CEP20: variants seen among roughly 807,000 people sequenced by gnomAD.
CEP20 encodes FGFR1OP N-terminal like.
A neutral mutation model predicts 20.0 loss-of-function variants in CEP20; 18 were observed. The ratio of observed to expected loss-of-function variants is 0.90; its 90% CI spans 0.62 to 1.34. The LOEUF (loss-of-function observed/expected upper bound fraction) is 1.34, where lower values mean the gene tolerates loss of function less well. Among genes scored for constraint, CEP20 ranks in the 40% most tolerant of loss-of-function variants. The probability of loss-of-function intolerance (pLI) is 0.00; values close to 1 mark genes in which losing one functional copy is unlikely to be tolerated. For missense variants in CEP20, 215 were observed against 201.6 expected, an observed-to-expected ratio of 1.07 and a Z score of -0.40; for synonymous variants, 77 against 73.7, an observed-to-expected ratio of 1.04 and a Z score of -0.23.
In CEP20 at chr16:15,866,256, G is replaced by A. The variant is rs2044676554; in HGVS notation, c.*1184C>T. ...AGAAAATCAAAAGTTTCAACAATTT[G>A]CAAAGCAGCACAGAATTGACACCCT... On this transcript the variant is annotated 3_prime_UTR_variant, in exon 5 of 5. Transcript: ENST00000255759. The A allele has an allele frequency of 6.6e-6, 1 of 152,178 alleles. No homozygotes were observed. Among genetic ancestry groups the A allele is most frequent in the Admixed American group, 6.5e-5 (1 of 15,270 alleles). The allele number at this position is 152,178 out of a possible 1,614,324, so 9.4% of individuals were successfully genotyped here. A position where few individuals can be genotyped will look rare whatever the true frequency, so the allele number is the denominator to read the frequency against.
chr16:15,872,182 T>C (rs2044837426), intron 4 of CEP20, among the ~76,000 whole-genome samples: 1 of 151,878 alleles, frequency 6.6e-6, no homozygotes, highest in Non-Finnish European at 1.5e-5. Flanking sequence ...AGTGTGGTGA[T>C]GGGCGCCTGT....
rs375553573 is a variant in CEP20 at position 15,865,824 on chromosome 16, G to A, written c.*1616C>T. On this transcript the variant is annotated 3_prime_UTR_variant, in exon 5 of 5. Coordinates refer to ENST00000255759, the MANE Select transcript of CEP20 (RefSeq NM_144600.4). ...CATATAAAAGCGCTATGGACTACAC[G>A]TGACAATTCTGCTTAACTTCCATCT... 5.9e-5 allele frequency: 9 copies of A among 152,130 alleles called. No homozygotes were observed. Among genetic ancestry groups the A allele is most frequent in the Non-Finnish European group, 4.4e-5 (3 of 68,032 alleles). The allele number at this position is 152,130 out of a possible 1,614,324, so 9.4% of individuals were successfully genotyped here. A position where few individuals can be genotyped will look rare whatever the true frequency, so the allele number is the denominator to read the frequency against.
intron 2 of CEP20, among the ~76,000 whole-genome samples, chr16:15,882,149 T>C (rs756174582): frequency 1.1e-4 from 16 of 152,148 alleles, no homozygotes; most frequent in African/African-American, 1.4e-4. Context: ...CCATGTAACG[T>C]GCTTGCTGCA....
chr16:15,875,261 T>C (rs776160364), intron 3 of CEP20, among the ~76,000 whole-genome samples: 1 of 152,192 alleles, frequency 6.6e-6, no homozygotes, highest in Non-Finnish European at 1.5e-5. Context: ...ACAGGTCTCT[T>C]TGTTTACTTT....
At chr16:15,883,888 G>C (rs2045172896) in intron 2 of CEP20, 120 bp downstream of exon 2, 3 of 737,614 alleles carry the variant, frequency 4.1e-6, no homozygotes, top group Non-Finnish European at 6.5e-6. Context: ...TGTGATTTTT[G>C]TGTCCCAGTC....
At chr16:15,870,048 G>A (rs755845596) in intron 4 of CEP20, among the ~76,000 whole-genome samples, 6 of 152,088 alleles carry the variant, frequency 3.9e-5, no homozygotes, top group Non-Finnish European at 5.9e-5. Flanking sequence ...TGTACAGGTC[G>A]TGTGTCTAGG....
At chr16:15,884,342 AATT>A in intron 1 of CEP20, 137 bp from the exon 2 acceptor site, 2 of 710,860 alleles carry the variant, frequency 2.8e-6, no homozygotes, top group Non-Finnish European at 4.5e-6. Flanking sequence ...CATTGTGACA[AATT>A]ATTAAACAAT....
intron 1 of CEP20, chr16:15,885,020 T>C (rs2045205977): frequency 6.6e-6 from 1 of 151,920 alleles, no homozygotes; most frequent in South Asian, 2.1e-4. Flanking sequence ...TGTAAAAACC[T>C]TGATGGCAGG....
chr16:15,879,718 T>C, intron 3 of CEP20, 86 bp downstream of exon 3: 2 of 761,518 alleles, frequency 2.6e-6, no homozygotes, highest in Non-Finnish European at 4.3e-6. Context: ...TCTGAATAAA[T>C]ACTTGAATTA....
intron 2 of CEP20, among the ~76,000 whole-genome samples, chr16:15,880,388 T>A (rs556051704): frequency 6.6e-6 from 1 of 152,240 alleles, no homozygotes; most frequent in South Asian, 2.1e-4. Context: ...GCAATCTCAC[T>A]CTTAGCTTTC....
At chr16:15,882,356 G>A (rs1454296014) in intron 2 of CEP20, among the ~76,000 whole-genome samples, 1 of 150,414 alleles carries the variant, frequency 6.6e-6, no homozygotes, top group African/African-American at 2.5e-5. Flanking sequence ...CCTGGCTAAC[G>A]GTGAAACCCT....
intron 4 of CEP20, among the ~76,000 whole-genome samples, chr16:15,871,710 G>C (rs1436188875): frequency 6.6e-6 from 1 of 152,164 alleles, no homozygotes; most frequent in African/African-American, 2.4e-5. Flanking sequence ...GAAATAAGTA[G>C]ATGGGAATGA....
At chr16:15,878,059 A>G (rs1038231943) in intron 3 of CEP20, among the ~76,000 whole-genome samples, 1 of 152,050 alleles carries the variant, frequency 6.6e-6, no homozygotes, top group African/African-American at 2.4e-5. Flanking sequence ...ATCTCACAAA[A>G]AGGAAAAAAG....
At chr16:15,872,849 T>C (rs993870835) in intron 4 of CEP20, among the ~76,000 whole-genome samples, 10 of 152,106 alleles carry the variant, frequency 6.6e-5, no homozygotes, top group African/African-American at 1.9e-4. Flanking sequence ...ATGTGGGCGA[T>C]TCTCCTAACA....
At chr16:15,876,472 C>G (rs1049545467) in intron 3 of CEP20, among the ~76,000 whole-genome samples, 4 of 147,978 alleles carry the variant, frequency 2.7e-5, no homozygotes, top group Non-Finnish European at 5.9e-5. Flanking sequence ...GAGACTCTGT[C>G]TCGAAAAAAA....
At chr16:15,877,651 C>T (rs2044987522) in intron 3 of CEP20, among the ~76,000 whole-genome samples, 1 of 152,078 alleles carries the variant, frequency 6.6e-6, no homozygotes, top group South Asian at 2.1e-4. Flanking sequence ...CCAGCGTATG[C>T]CTGTAATTCC....
intron 3 of CEP20, 130 bp downstream of exon 3, chr16:15,879,674 C>A (rs1017385818): frequency 4.9e-6 from 3 of 612,224 alleles, no homozygotes; most frequent in African/African-American, 3.9e-5. Flanking sequence ...TGCTGCACAC[C>A]CTGGATTTAG....
At chr16:15,871,718 T>G (rs1196403452) in intron 4 of CEP20, among the ~76,000 whole-genome samples, 1 of 152,200 alleles carries the variant, frequency 6.6e-6, no homozygotes, top group Non-Finnish European at 1.5e-5. Context: ...TAGATGGGAA[T>G]GACTTATTTT....
intron 3 of CEP20, among the ~76,000 whole-genome samples, chr16:15,878,314 C>T (rs1045066027): frequency 3.3e-5 from 5 of 152,196 alleles, no homozygotes; most frequent in Admixed American, 2.6e-4. Context: ...GCAGATAGAA[C>T]AACAGACGGG....
Sources: allele counts gnomAD v4.1 joint callset (sites outside exome capture counted in the v4.1 genomes callset), GRCh38; gene constraint gnomAD v4.1.1; transcripts MANE v1.5; gene names NCBI Gene and HGNC (gene_info 2026-07-23, HGNC 2026-07-21).